ZBTB38: variants seen among roughly 807,000 people sequenced by gnomAD.
The protein encoded by ZBTB38 is zinc finger and BTB domain containing 38.
Under a neutral mutation model 76.8 loss-of-function variants are expected in ZBTB38, and 20 were observed. That is an observed-to-expected ratio of 0.26 (90% CI 0.18 to 0.38). The LOEUF (loss-of-function observed/expected upper bound fraction) is 0.38, where lower values mean the gene tolerates loss of function less well. ZBTB38 is among the 10% of genes least tolerant of loss of function. The pLI is 1.00. For synonymous variants in ZBTB38, 504 were observed against 544.2 expected (o/e 0.93, Z 1.03); for missense variants, 1,082 against 1,482.3 (o/e 0.73, Z 4.43).
intron 4 of ZBTB38, among the ~76,000 whole-genome samples, chr3:141,400,548 C>A (rs1951601146): frequency 6.6e-6 from 1 of 152,172 alleles, no homozygotes; most frequent in African/African-American, 2.4e-5. Flanking sequence ...CACCATGTGA[C>A]CCTGGCAGAT....
intron 5 of ZBTB38, among the ~76,000 whole-genome samples, chr3:141,433,973 A>G (rs759788007): frequency 3.9e-5 from 6 of 152,196 alleles, no homozygotes; most frequent in Non-Finnish European, 5.9e-5. Flanking sequence ...TAGAACTCGA[A>G]GGCACTTTCT....
chr3:141,368,382 A>G, upstream of ZBTB38: 1 of 152,376 alleles, frequency 6.6e-6, no homozygotes, highest in Non-Finnish European at 1.5e-5. Context: ...TGGACATCAA[A>G]GGTTCCTTTT....
chr3:141,407,682 G>T (rs1319827555), intron 5 of ZBTB38, among the ~76,000 whole-genome samples: 2 of 152,218 alleles, frequency 1.3e-5, no homozygotes, highest in African/African-American at 4.8e-5. Context: ...CCCAGGTGGG[G>T]CAAGGGAATC....
chr3:141,380,217 C>T (rs1489184590), intron 2 of ZBTB38, among the ~76,000 whole-genome samples: 3 of 152,174 alleles, frequency 2.0e-5, no homozygotes, highest in Non-Finnish European at 4.4e-5. Context: ...AAGCGTCTTC[C>T]TTGTCCTTTA....
Position 141,444,948 on chromosome 3 carries a change from C to G in ZBTB38, c.2560C>G (p.Leu854Val). The change falls in exon 6 of 6, where the codon CTA (leucine) becomes GTA (valine). Residue 854 changes from leucine (L) to valine (V), a missense_variant. Leu to Val is a conservative substitution (Grantham distance 32). Around this residue, in one of 8 missense-constraint regions of ZBTB38, gnomAD observed 471 missense variants for 581.0 expected, o/e 0.81. Transcript: ENST00000321464. This position sits in a 1 kb window ranked among gnomAD's most constrained non-coding sequence, Gnocchi z 5.1. ...CGAAGCCATTGTGAAAAGGCACATT[C>G]TAGGATCTAAATTGTTTTATAAAAG... Reference protein sequence around the residue: ...GNEAIVKRHILGSKLFYKRGR... With the variant: ...GNEAIVKRHIVGSKLFYKRGR... 3.1e-6 allele frequency: 5 copies of G among 1,614,132 alleles called. No individual in the cohort carries two copies. Among genetic ancestry groups the G allele is most frequent in the Non-Finnish European group, 4.2e-6 (5 of 1,180,030 alleles).
Position 141,336,851 on chromosome 3 carries a change from C to G in ZBTB38, c.-739+12395C>G, listed in dbSNP as rs1183289254. 2.6e-5 allele frequency among the ~76,000 whole-genome samples: 4 copies of G among 152,290 alleles called. No individual in the cohort carries two copies. In the East Asian group the frequency reaches 7.7e-4, roughly 29 times the overall value. ...AATTTGTGACATCCAGAAAATGCCC[C>G]CAGGCATTTCCAAACACCTTCTGAT... is the stretch of plus-strand genomic sequence containing the variant. On this transcript the variant is annotated intron_variant, in intron 1 of 7. Transcript: ENST00000509842.
chr3:141,393,901 G>T (rs1048238067), intron 4 of ZBTB38, among the ~76,000 whole-genome samples: 1 of 152,192 alleles, frequency 6.6e-6, no homozygotes, highest in Non-Finnish European at 1.5e-5. Flanking sequence ...GCTACTTAAT[G>T]GCCCCACGTT....
intron 1 of ZBTB38, among the ~76,000 whole-genome samples, chr3:141,329,349 G>A (rs1942776082): frequency 1.3e-5 from 2 of 152,210 alleles, no homozygotes; most frequent in South Asian, 2.1e-4. Flanking sequence ...AAATAACTTC[G>A]ATACATCACT....
chr3:141,388,906 G>A (rs569888317), intron 4 of ZBTB38: 2 of 152,290 alleles, frequency 1.3e-5, no homozygotes, highest in East Asian at 1.9e-4. Context: ...CCAGAATGCA[G>A]GTCAAGGTTT....
chr3:141,422,140 C>T (rs2075522632), intron 5 of ZBTB38, among the ~76,000 whole-genome samples: 1 of 152,216 alleles, frequency 6.6e-6, no homozygotes, highest in African/African-American at 2.4e-5. Flanking sequence ...GCCCATGACA[C>T]CTGAAAGCAG....
chr3:141,326,946 G>C (rs2148869654), intron 1 of ZBTB38, among the ~76,000 whole-genome samples: 1 of 152,318 alleles, frequency 6.6e-6, no homozygotes, highest in African/African-American at 2.4e-5. Flanking sequence ...TTCTAGGCCT[G>C]CTTCGAAGGG....
chr3:141,375,329 C>T (rs1333121055), intron 2 of ZBTB38, among the ~76,000 whole-genome samples: 1 of 152,158 alleles, frequency 6.6e-6, no homozygotes, highest in Admixed American at 6.5e-5. Flanking sequence ...AGACAAAGGG[C>T]CCAGAGTCAC....
At chr3:141,363,523 T>C (rs1404413390), upstream of ZBTB38, among the ~76,000 whole-genome samples, 1 of 152,152 alleles carries the variant, frequency 6.6e-6, no homozygotes, top group Non-Finnish European at 1.5e-5. Flanking sequence ...CAAAACAGTG[T>C]GGTACTGACA....
chr3:141,405,041 C>T (rs117323650), intron 5 of ZBTB38, among the ~76,000 whole-genome samples: 3,570 of 152,312 alleles, frequency 0.023, 66 homozygotes, highest in East Asian at 0.056. Context: ...TCTATACTTC[C>T]ACCTATCTAT....
At chr3:141,428,709 C>T (rs1468151796) in intron 5 of ZBTB38, among the ~76,000 whole-genome samples, 1 of 152,172 alleles carries the variant, frequency 6.6e-6, no homozygotes, top group Non-Finnish European at 1.5e-5. Flanking sequence ...CTCCTGACCT[C>T]AGATGATCCT....
At chr3:141,350,873 A>G (rs1445352246) in intron 1 of ZBTB38, among the ~76,000 whole-genome samples, 1 of 152,220 alleles carries the variant, frequency 6.6e-6, no homozygotes, top group Non-Finnish European at 1.5e-5. Flanking sequence ...TAAAATGAAT[A>G]CAGCATGCGC....
intron 5 of ZBTB38, among the ~76,000 whole-genome samples, chr3:141,430,530 T>C (rs1311910382): frequency 6.6e-6 from 1 of 152,212 alleles, no homozygotes; most frequent in Non-Finnish European, 1.5e-5. Context: ...CACTTGGTGC[T>C]TTTCAGGCGC....
chr3:141,327,218 G>A (rs1576624736), intron 1 of ZBTB38, among the ~76,000 whole-genome samples: 1 of 152,280 alleles, frequency 6.6e-6, no homozygotes, highest in East Asian at 1.9e-4. Flanking sequence ...CCTCAAGAAG[G>A]TGGGGCATAA....
chr3:141,410,008 T>C (rs1377208109), intron 5 of ZBTB38, among the ~76,000 whole-genome samples: 1 of 152,240 alleles, frequency 6.6e-6, no homozygotes, highest in East Asian at 1.9e-4. Context: ...AGCATGACTT[T>C]GCTTGTTTGG....
Sources: allele counts gnomAD v4.1 joint callset (sites outside exome capture counted in the v4.1 genomes callset), GRCh38; gene constraint gnomAD v4.1.1; regional missense constraint gnomAD v4.1.1; non-coding constraint Gnocchi (gnomAD v3.1); transcripts MANE v1.5; gene names NCBI Gene and HGNC (gene_info 2026-07-23, HGNC 2026-07-21).